The following PKP4 variants were observed in gnomAD, a reference collection of about 807,000 sequenced individuals.
The protein encoded by PKP4 is plakophilin 4.
In PKP4, 90 loss-of-function variants were observed where a neutral mutation model predicts 145.1. The ratio of observed to expected loss-of-function variants is 0.62; its 90% CI spans 0.52 to 0.74. The LOEUF (loss-of-function observed/expected upper bound fraction) is 0.74, where lower values mean the gene tolerates loss of function less well. PKP4 is among the 30% of genes least tolerant of loss of function. PKP4 has a pLI of 0.00. For synonymous variants in PKP4, 563 were observed against 577.2 expected (o/e 0.98, Z 0.35); for missense variants, 1,340 against 1,482.7 (o/e 0.90, Z 1.58).
intron 9 of PKP4, among the ~76,000 whole-genome samples, chr2:158,638,970 C>T (rs2054042415): frequency 1.3e-5 from 2 of 152,146 alleles, no homozygotes; most frequent in African/African-American, 4.8e-5. Flanking sequence ...TCCTCTTACT[C>T]TCCTGCTTCA....
chr2:158,484,148 C>T (rs894383962), intron 1 of PKP4, among the ~76,000 whole-genome samples: 2 of 151,694 alleles, frequency 1.3e-5, no homozygotes, highest in Admixed American at 6.6e-5. Context: ...CCCGGGTTCA[C>T]GCCATTCTCC....
chr2:158,564,146 A>G (rs2046774732), intron 2 of PKP4, among the ~76,000 whole-genome samples: 1 of 151,882 alleles, frequency 6.6e-6, no homozygotes, highest in Non-Finnish European at 1.5e-5. Context: ...ATAATGTAAT[A>G]TAAAAGTATA....
chr2:158,649,407 A>T (rs1251334270), intron 11 of PKP4, among the ~76,000 whole-genome samples: 1 of 152,168 alleles, frequency 6.6e-6, no homozygotes, highest in African/African-American at 2.4e-5. Flanking sequence ...AGGGAAAAGA[A>T]AAAAAGCCCC....
In PKP4 at chr2:158,631,776, C is replaced by T; in HGVS notation, c.1177C>T (p.Gln393Ter). ...LTGLRSSYAS[Q>*]HSQLGQDLRS... is the part of the protein sequence containing the mutation. The stretch of plus-strand genomic sequence containing the variant: ...AGGCTTACGGAGTTCCTATGCTAGT[C>T]AGCATAGTCAGCTTGGGCAAGACCT... Residue 393 changes from glutamine to a stop codon, truncating the protein, a stop_gained, in exon 8 of 22, where the codon CAG becomes TAG. Coordinates refer to ENST00000389759, the MANE Select transcript of PKP4 (RefSeq NM_003628.6). LOFTEE classifies it high-confidence loss of function. 2 of 1,613,626 alleles carry T rather than the reference C, an allele frequency of 1.2e-6. No individual in the cohort carries two copies. Among genetic ancestry groups the T allele is most frequent in the Non-Finnish European group, 1.7e-6 (2 of 1,179,576 alleles).
At chr2:158,574,654 T>C (rs1182099899) in intron 2 of PKP4, among the ~76,000 whole-genome samples, 1 of 152,240 alleles carries the variant, frequency 6.6e-6, no homozygotes, top group Non-Finnish European at 1.5e-5. Flanking sequence ...TGTAAACATT[T>C]ACAGGTGTTA....
At chr2:158,576,101 G>C (rs1370303079) in intron 2 of PKP4, among the ~76,000 whole-genome samples, 1 of 152,170 alleles carries the variant, frequency 6.6e-6, no homozygotes, top group Non-Finnish European at 1.5e-5. Context: ...TCAGAAGATG[G>C]TAAGGAGTTT....
intron 1 of PKP4, among the ~76,000 whole-genome samples, chr2:158,509,548 T>G (rs1349388537): frequency 6.6e-6 from 1 of 152,212 alleles, no homozygotes; most frequent in Admixed American, 6.5e-5. Flanking sequence ...CAATCAAGAC[T>G]TTGTTAACAG....
rs560021413 is a variant in PKP4, at chr2:158,598,533, T to C, written c.246-4537T>C. 7.2e-5 allele frequency among the ~76,000 whole-genome samples: 11 copies of C among 152,292 alleles called. No homozygotes were observed. In the South Asian group the frequency reaches 2.1e-3, roughly 29 times the overall value. On this transcript the variant is annotated intron_variant, in intron 3 of 21. Transcript: ENST00000389759. ...CTGTAATCCTAGCACTTTGGGAGGC[T>C]GAGGCGGGCGGATCACGAGGTCACG...
At chr2:158,502,298 G>C (rs1696700790) in intron 1 of PKP4, among the ~76,000 whole-genome samples, 1 of 152,142 alleles carries the variant, frequency 6.6e-6, no homozygotes, top group Non-Finnish European at 1.5e-5. Context: ...TCCATTTGCA[G>C]CTTAGGGTCC....
chr2:158,559,057 C>T (rs1178166471), intron 2 of PKP4, among the ~76,000 whole-genome samples: 1 of 152,148 alleles, frequency 6.6e-6, no homozygotes, highest in Non-Finnish European at 1.5e-5. Context: ...TGTGGGAAAC[C>T]GCAGACTCTC....
rs1327927733 is a variant in PKP4 at position 158,666,438 on chromosome 2, T to C, written c.2603T>C (p.Val868Ala). 6.2e-7 allele frequency: 1 copy of C among 1,606,902 alleles called. No individual in the cohort carries two copies. The highest frequency in any genetic ancestry group is 8.5e-7 in the Non-Finnish European group (1 of 1,177,958). ...TTTGCAGCATATATCCGGGCGGCCG[T>C]CCGAAAAGAAAAGGGGCTCCCCATC... The part of the protein sequence containing the change: ...WKFAAYIRAA[V>A]RKEKGLPILV... Residue 868 changes from valine (V) to alanine (A), a missense_variant, in exon 16 of 22, where the codon GTC becomes GCC. Val to Ala is a moderately conservative substitution (Grantham distance 64). Transcript: ENST00000389759.
chr2:158,467,783 G>T (rs1053353110), intron 1 of PKP4, among the ~76,000 whole-genome samples: 2 of 151,828 alleles, frequency 1.3e-5, no homozygotes, highest in African/African-American at 2.4e-5. Context: ...GGAGGTTGAG[G>T]CTACAGTGAG....
intron 1 of PKP4, among the ~76,000 whole-genome samples, chr2:158,522,892 C>T (rs1364439357): frequency 6.6e-6 from 1 of 152,192 alleles, no homozygotes; most frequent in Non-Finnish European, 1.5e-5. Context: ...AAAATCGGGT[C>T]ACTCCCACCC....
At chr2:158,651,017 G>A (rs1449223871) in intron 11 of PKP4, among the ~76,000 whole-genome samples, 4 of 152,140 alleles carry the variant, frequency 2.6e-5, no homozygotes, top group African/African-American at 9.7e-5. Flanking sequence ...AGAAACTCTG[G>A]GAATGGCTAT....
At chr2:158,493,442 C>T (rs1403789605) in intron 1 of PKP4, among the ~76,000 whole-genome samples, 1 of 152,186 alleles carries the variant, frequency 6.6e-6, no homozygotes, top group South Asian at 2.1e-4. Flanking sequence ...CTCACACCCT[C>T]CTTTAGCCTC....
At position 158,640,673 on chromosome 2, in the gene PKP4, C is replaced by A. The variant is rs2054202777; in HGVS notation, c.1609C>A (p.Leu537Ile). 3.7e-6 allele frequency: 6 copies of A among 1,613,958 alleles called. No individual in the cohort carries two copies. Among genetic ancestry groups the A allele is most frequent in the Non-Finnish European group, 5.1e-6 (6 of 1,179,948 alleles). Residue 537 changes from leucine to isoleucine, a missense_variant, in exon 10 of 22, where the codon CTT (leucine) becomes ATT (isoleucine). Physicochemically the swap from Leu to Ile is conservative, Grantham distance 5. Transcript: ENST00000389759. The part of the protein sequence containing the change: ...DPELPEVIHM[L>I]QHQFPSVQAN... The stretch of plus-strand genomic sequence containing the variant: ...TGAGTTGCCTGAGGTCATTCACATG[C>A]TTCAGCACCAGTTCCCATCTGTTCA...
intron 11 of PKP4, among the ~76,000 whole-genome samples, chr2:158,646,577 A>G (rs1574947986): frequency 6.6e-6 from 1 of 152,230 alleles, no homozygotes; most frequent in Non-Finnish European, 1.5e-5. Flanking sequence ...AGTGGTACCA[A>G]TCTTAACTGA....
Position 158,634,124 on chromosome 2 carries a change from A to G in PKP4, c.1397A>G (p.Gln466Arg). Residue 466 changes from glutamine to arginine, a missense_variant, in exon 9 of 22, where the codon CAA becomes CGA. Physicochemically the swap from Gln to Arg is conservative, Grantham distance 43. Coordinates refer to ENST00000389759, the MANE Select transcript of PKP4 (RefSeq NM_003628.6). ...AGCCAACGAAGTACCCTTACATACC[A>G]AAGAAATAATTATGCTCTGAACACA... ...TSSQRSTLTY[Q>R]RNNYALNTTA... 1 of 1,614,098 alleles carries G rather than the reference A, an allele frequency of 6.2e-7. No homozygotes were observed. Among genetic ancestry groups the G allele is most frequent in the Non-Finnish European group, 8.5e-7 (1 of 1,179,926 alleles).
Position 158,663,300 on chromosome 2 carries a change from T to A in PKP4, c.2432T>A (p.Leu811Gln), listed in dbSNP as rs1379451791. Reference sequence around the variant, plus strand: ...GATGGAGTTGGTCCTATCCCAGGACTGTCGAAGTCCCCCAAAGGGGTTGAG... The same window carrying A: ...GATGGAGTTGGTCCTATCCCAGGACAGTCGAAGTCCCCCAAAGGGGTTGAG... ...QWDGVGPIPG[L>Q]SKSPKGVEML... Residue 811 changes from leucine to glutamine, a missense_variant, in exon 15 of 22, where the codon CTG becomes CAG. Leu to Gln is a moderately radical substitution (Grantham distance 113, BLOSUM62 -2). Coordinates refer to ENST00000389759, the MANE Select transcript of PKP4 (RefSeq NM_003628.6). 2 of 1,613,980 alleles carry A rather than the reference T, an allele frequency of 1.2e-6. No homozygotes were observed. Among genetic ancestry groups the A allele is most frequent in the Non-Finnish European group, 1.7e-6 (2 of 1,179,980 alleles).
Sources: gnomAD v4.1 joint callset for allele counts (sites outside exome capture counted in the v4.1 genomes callset) on GRCh38, gnomAD v4.1.1 for gene constraint, MANE v1.5 for transcripts, NCBI Gene and HGNC (gene_info 2026-07-23, HGNC 2026-07-21) for gene names.